The following FNTB variants were observed in gnomAD, a reference collection of about 807,000 sequenced individuals.
The protein encoded by FNTB is farnesyltransferase, CAAX box, subunit beta, also known as protein farnesyltransferase subunit beta.
Under a neutral mutation model 59.4 loss-of-function variants are expected in FNTB, and 27 were observed. That is an observed-to-expected ratio of 0.45 (90% CI 0.34 to 0.63). The LOEUF (loss-of-function observed/expected upper bound fraction) is 0.63. Ranked by LOEUF, FNTB falls within the 20% of genes least tolerant of loss-of-function variation. The pLI is 0.02. For missense variants in FNTB, 449 were observed against 559.6 expected (o/e 0.80, Z 1.99); for synonymous variants, 230 against 220.7 (o/e 1.04, Z -0.37).
At chr14:65,020,748 T>C (rs1025294250) in intron 4 of FNTB, among the ~76,000 whole-genome samples, 16 of 149,306 alleles carry the variant, frequency 1.1e-4, no homozygotes, top group African/African-American at 4.0e-4. Flanking sequence ...TTTTTTTTTT[T>C]TGAGACGGAG....
rs1888498063 is a variant in FNTB at position 64,998,837 on chromosome 14, C to T, written c.145-5412C>T. ...CAAGTTTAGCTTAGTTTCTGGAGAA[C>T]CTGTTTCTTGAGTAAGAGGAATGGT... On this transcript the variant is annotated intron_variant, in intron 1 of 11. Transcript: ENST00000246166. Among the ~76,000 whole-genome samples, 3 of 152,250 alleles carry T rather than the reference C, an allele frequency of 2.0e-5. 1 individual carries two copies. The South Asian group carries it at 6.2e-4, about 32-fold the overall frequency.
At chr14:65,006,331 TC>T in intron 2 of FNTB, 1 of 1,606,890 alleles carries the variant, frequency 6.2e-7, no homozygotes, top group Non-Finnish European at 8.5e-7. Context: ...GTATAGTCTT[TC>T]CCTTAACTGC....
chr14:65,019,362 C>T (rs2061844264), intron 4 of FNTB, among the ~76,000 whole-genome samples: 1 of 151,818 alleles, frequency 6.6e-6, no homozygotes, highest in Admixed American at 6.6e-5. Flanking sequence ...TGGCTGGCAC[C>T]TGTAATCCCA....
chr14:65,036,651 C>G (rs2062199584), intron 7 of FNTB, among the ~76,000 whole-genome samples: 2 of 152,158 alleles, frequency 1.3e-5, no homozygotes, highest in South Asian at 4.1e-4. Flanking sequence ...TCTTCTGTCT[C>G]TCTTTTTCTA....
chr14:65,061,165 T>C lies in FNTB; in HGVS notation c.1183-16T>C, dbSNP rs180835945. On this transcript the variant is annotated splice_polypyrimidine_tract_variant and intron_variant, in intron 11 of 11. Coordinates refer to ENST00000246166, the MANE Select transcript of FNTB (RefSeq NM_002028.4). Reference sequence around the variant, plus strand: ...CCACCGGGGTGATTAACTGGCACCTTTTCTTCTCTTTGCAGCAGCCCACTC... The same window carrying C: ...CCACCGGGGTGATTAACTGGCACCTCTTCTTCTCTTTGCAGCAGCCCACTC... The C allele has an allele frequency of 6.0e-4, 972 of 1,613,580 alleles. 12 individuals carry two copies. The highest frequency in any genetic ancestry group is 3.4e-5 in the Non-Finnish European group (40 of 1,179,628).
At chr14:64,993,550 A>T (rs1888282289) in intron 1 of FNTB, among the ~76,000 whole-genome samples, 1 of 152,206 alleles carries the variant, frequency 6.6e-6, no homozygotes, top group Non-Finnish European at 1.5e-5. Flanking sequence ...TTTCTGAGAG[A>T]GAATTTTTTT....
intron 4 of FNTB, among the ~76,000 whole-genome samples, chr14:65,020,179 CT>C (rs1190004485): frequency 1.3e-5 from 2 of 152,220 alleles, no homozygotes. Context: ...GGACAAAATA[CT>C]TTTGTCAGCT....
chr14:65,037,924 C>T (rs1032320811), intron 7 of FNTB, among the ~76,000 whole-genome samples: 2 of 151,582 alleles, frequency 1.3e-5, no homozygotes, highest in South Asian at 2.1e-4. Flanking sequence ...GGATTATAGG[C>T]GTGCGCCACG....
chr14:65,040,677 G>T, intron 7 of FNTB, 113 bp from the exon 8 acceptor site: 1 of 1,074,566 alleles, frequency 9.3e-7, no homozygotes. Context: ...TCATAGTTGT[G>T]ATGGTTCACA....
intron 4 of FNTB, among the ~76,000 whole-genome samples, chr14:65,017,273 T>C (rs1280290121): frequency 6.6e-6 from 1 of 151,976 alleles, no homozygotes; most frequent in Non-Finnish European, 1.5e-5. Context: ...GTTTGGGAAG[T>C]TTTCCCTTCA....
chr14:65,027,876 G>A lies in FNTB; in HGVS notation c.605+95G>A, dbSNP rs2062012640. 3 of 1,523,266 alleles carry A rather than the reference G, an allele frequency of 2.0e-6. No individual in the cohort carries two copies. The highest frequency in any genetic ancestry group is 2.7e-6 in the Non-Finnish European group (3 of 1,114,182). The allele number at this position is 1,523,266 out of a possible 1,614,324, so 94.4% of individuals were successfully genotyped here. On this transcript the variant is annotated intron_variant, in intron 6 of 11. Transcript: ENST00000246166. This position sits in a 1 kb window ranked among gnomAD's most constrained non-coding sequence, Gnocchi z 5.7. ...GCCTAAGGAACATCATGGGGAAGCT[G>A]CTGCTTTGTCCCAGAATGACACATG...
At chr14:65,000,024 G>C (rs1343004704) in intron 1 of FNTB, among the ~76,000 whole-genome samples, 1 of 152,212 alleles carries the variant, frequency 6.6e-6, no homozygotes, top group African/African-American at 2.4e-5. Context: ...CCGCAAGAAA[G>C]CTGAAGATGG....
chr14:65,037,744 A>ATTTATTTATTT lies in FNTB; in HGVS notation c.693-3045_693-3035dup, dbSNP rs2062239704. 5.1e-5 allele frequency among the ~76,000 whole-genome samples: 3 copies of ATTTATTTATTT among 58,998 alleles called. No homozygotes were observed. In the South Asian group the frequency reaches 1.4e-3, roughly 28 times the overall value. The allele number at this position is 58,998 out of a possible 152,430, so 38.7% of individuals were successfully genotyped here. The stretch of plus-strand genomic sequence containing the variant: ...CCAGCCTCTTATTTATTTATTTATT[A>ATTTATTTATTT]TTTATTTATTTATTTATTTATTTAT... On this transcript the variant is annotated intron_variant, in intron 7 of 11. Coordinates refer to ENST00000246166, the MANE Select transcript of FNTB (RefSeq NM_002028.4).
chr14:65,044,796 C>A lies in FNTB; in HGVS notation c.955+353C>A. The stretch of plus-strand genomic sequence containing the variant: ...ATTGCCACCTCCTCTGGGTGCAGGG[C>A]AGAGCTGAAAACCCTCAGTGTTGCA... On this transcript the variant is annotated intron_variant, in intron 9 of 11. Transcript: ENST00000246166. The surrounding 1 kb of genome is among the most constrained non-coding windows in gnomAD (Gnocchi z 5.5). 4.3e-6 allele frequency: 1 copy of A among 231,348 alleles called. No individual in the cohort carries two copies. The highest frequency in any genetic ancestry group is 6.9e-5 in the South Asian group (1 of 14,426). The allele number at this position is 231,348 out of a possible 1,614,324, so 14.3% of individuals were successfully genotyped here.
At position 65,029,368 on chromosome 14, in the gene FNTB, A is replaced by T. The variant is rs1283697827; in HGVS notation, c.605+1587A>T. On this transcript the variant is annotated intron_variant, in intron 6 of 11. Coordinates refer to ENST00000246166, the MANE Select transcript of FNTB (RefSeq NM_002028.4). This position sits in a 1 kb window ranked among gnomAD's most constrained non-coding sequence, Gnocchi z 4.7. ...TGGATTTGACTTGGAGAAAAGCAGC[A>T]GTGATGGGAGAGTTTGACATCTGGA... is the stretch of plus-strand genomic sequence containing the variant. 6.6e-6 allele frequency among the ~76,000 whole-genome samples: 1 copy of T among 152,218 alleles called. No homozygotes were observed. The highest frequency in any genetic ancestry group is 2.4e-5 in the African/African-American group (1 of 41,460).
rs144785612 is a variant in FNTB at position 65,020,119 on chromosome 14, G to A, written c.374+4403G>A. 1.3e-4 allele frequency among the ~76,000 whole-genome samples: 20 copies of A among 152,220 alleles called. No homozygotes were observed. In the East Asian group the frequency reaches 3.5e-3, roughly 26 times the overall value. ...TCTCTTTCCTATTTTGTTCACTGCTGTGCTTCTATTTGTTTAGGGAACAAT... is the reference window on the plus strand; with the variant it reads ...TCTCTTTCCTATTTTGTTCACTGCTATGCTTCTATTTGTTTAGGGAACAAT... On this transcript the variant is annotated intron_variant, in intron 4 of 11. Transcript: ENST00000246166.
intron 11 of FNTB, among the ~76,000 whole-genome samples, chr14:65,059,744 T>C (rs1221748447): frequency 2.6e-5 from 4 of 151,988 alleles, no homozygotes; most frequent in Admixed American, 6.6e-5. Context: ...TAGAATAACA[T>C]CTATTTAATT....
chr14:65,007,612 C>T lies in FNTB; in HGVS notation c.209+3299C>T, dbSNP rs1399675637. On this transcript the variant is annotated intron_variant, in intron 2 of 11. Coordinates refer to ENST00000246166, the MANE Select transcript of FNTB (RefSeq NM_002028.4). This position sits in a 1 kb window ranked among gnomAD's most constrained non-coding sequence, Gnocchi z 4.9. ...TCTTCTCTAAGGTTGGGACTGTCTA[C>T]CTGGAGTGAGGTAGTCAGTCCCAAG... 1.3e-5 allele frequency among the ~76,000 whole-genome samples: 2 copies of T among 152,184 alleles called. No homozygotes were observed. Among genetic ancestry groups the T allele is most frequent in the East Asian group, 3.9e-4 (2 of 5,190 alleles).
chr14:65,060,881 A>C (rs2062850483), intron 11 of FNTB, among the ~76,000 whole-genome samples: 2 of 151,036 alleles, frequency 1.3e-5, no homozygotes, highest in Non-Finnish European at 3.0e-5. Flanking sequence ...AAAAAAAAAA[A>C]AAAAAAAAAA....
Sources: gnomAD v4.1 joint callset for allele counts (sites outside exome capture counted in the v4.1 genomes callset) on GRCh38, gnomAD v4.1.1 for gene constraint, Gnocchi (gnomAD v3.1) non-coding constraint, MANE v1.5 for transcripts, NCBI Gene and HGNC (gene_info 2026-07-23, HGNC 2026-07-21) for gene names.